BTD: variants seen among roughly 807,000 people sequenced by gnomAD.
The protein encoded by BTD is biocytinase.
A neutral mutation model predicts 17.7 loss-of-function variants in BTD; 13 were observed. That is an observed-to-expected ratio of 0.74 (90% CI 0.48 to 1.17). BTD has a LOEUF of 1.17. BTD is among the 50% of genes most tolerant of loss of function. BTD has a pLI of 0.00. For synonymous variants in BTD, 240 were observed against 245.2 expected, an observed-to-expected ratio of 0.98 and a Z score of 0.20; for missense variants, 674 against 650.4, an observed-to-expected ratio of 1.04 and a Z score of -0.39.
At chr3:15,695,092 A>C (rs1429687684) in intron 3 of BTD, 1 of 1,028,400 alleles carries the variant, frequency 9.7e-7, no homozygotes, top group African/African-American at 1.6e-5. Context: ...ATATGTAAAA[A>C]CACTTTCAGC....
Position 15,653,527 on chromosome 3 carries a change from C to A in BTD, c.*8039C>A, listed in dbSNP as rs1310440389. 6.6e-6 allele frequency among the ~76,000 whole-genome samples: 1 copy of A among 152,216 alleles called. No homozygotes were observed. Among genetic ancestry groups the A allele is most frequent in the Non-Finnish European group, 1.5e-5 (1 of 68,040 alleles). ...CTCTCCCTGTCATGCTAATTTTCAGCCCTTTCTGGGTGACTTGTTCATCAT... is the reference window on the plus strand; with the variant it reads ...CTCTCCCTGTCATGCTAATTTTCAGACCTTTCTGGGTGACTTGTTCATCAT... On this transcript the variant is annotated 3_prime_UTR_variant, in exon 4 of 4. Coordinates refer to ENST00000643237, the MANE Select transcript of BTD (RefSeq NM_001370658.1).
At chr3:15,664,617 G>A (rs924753) in intron 3 of BTD, among the ~76,000 whole-genome samples, 84,444 of 151,888 alleles carry the variant, frequency 0.56, 23,959 homozygotes, top group Middle Eastern at 0.64. Flanking sequence ...GAAGCAGCTA[G>A]TTTTCGGAGG....
intron 3 of BTD, chr3:15,675,928 C>T (rs1330515261): frequency 1.2e-6 from 2 of 1,613,068 alleles, no homozygotes; most frequent in South Asian, 2.2e-5. Context: ...ACACTTGCTC[C>T]TTTTCCCAAA....
In BTD at chr3:15,631,479, A is replaced by T. The variant is rs1296590454; in HGVS notation, c.-16-3945A>T. The T allele has an allele frequency of 5.9e-6, 9 of 1,535,014 alleles. No homozygotes were observed. The Admixed American group carries it at 1.8e-4, about 30-fold the overall frequency. ...GAAGGAAACACAGCTAATTATTAAG[A>T]TGAATCATTTAGCAAGGTGGGGAAA... On this transcript the variant is annotated intron_variant, in intron 1 of 3. Transcript: ENST00000643237.
chr3:15,670,361 G>A, intron 3 of BTD: 1 of 1,613,976 alleles, frequency 6.2e-7, no homozygotes. Flanking sequence ...ACTGCAATAG[G>A]AGCTAGGTTC....
chr3:15,695,155 C>A, intron 3 of BTD: 2 of 1,529,568 alleles, frequency 1.3e-6, no homozygotes, highest in Admixed American at 1.7e-5. Context: ...CTGACCAATA[C>A]TAATTGGTGG....
At chr3:15,660,944 G>A (rs1249831650) in intron 3 of BTD, among the ~76,000 whole-genome samples, 1 of 152,092 alleles carries the variant, frequency 6.6e-6, no homozygotes, top group Non-Finnish European at 1.5e-5. Context: ...AAGTGGCTGA[G>A]CCATTTTGCG....
rs1349255010 is a variant in BTD, at chr3:15,651,977, G to A, written c.*6489G>A. 2.0e-5 allele frequency among the ~76,000 whole-genome samples: 3 copies of A among 152,178 alleles called. No individual in the cohort carries two copies. The highest frequency in any genetic ancestry group is 6.5e-5 in the Admixed American group (1 of 15,278). ...TCCCACATTTTTCTGGGGTCGTTTT[G>A]TGTAACCAATAAAATATGGCAGATG... is the stretch of plus-strand genomic sequence containing the variant. On this transcript the variant is annotated 3_prime_UTR_variant, in exon 4 of 4. Coordinates refer to ENST00000643237, the MANE Select transcript of BTD (RefSeq NM_001370658.1).
chr3:15,685,071 G>A, intron 3 of BTD: 2 of 681,404 alleles, frequency 2.9e-6, no homozygotes, highest in South Asian at 3.7e-5. Flanking sequence ...ACAGGAGTGA[G>A]CCTACGTACT....
At chr3:15,685,390 C>T (rs1381238278) in intron 3 of BTD, 1 of 1,613,624 alleles carries the variant, frequency 6.2e-7, no homozygotes, top group Admixed American at 1.7e-5. Context: ...CCGAAGTAAG[C>T]ACTTAGCACC....
intron 3 of BTD, chr3:15,678,480 T>A: frequency 1.3e-6 from 1 of 789,090 alleles, no homozygotes; most frequent in Non-Finnish European, 1.9e-6. Flanking sequence ...GCACTGCCTG[T>A]ACACAAACAA....
chr3:15,653,914 A>G (rs149337471), downstream of BTD, among the ~76,000 whole-genome samples: 12 of 152,338 alleles, frequency 7.9e-5, no homozygotes, highest in East Asian at 2.1e-3. Context: ...TTATTTTTTA[A>G]AATAGAGACA....
downstream of BTD, among the ~76,000 whole-genome samples, chr3:15,713,087 A>G (rs183584923): frequency 6.3e-4 from 96 of 152,280 alleles, no homozygotes; most frequent in Non-Finnish European, 1.0e-3. Context: ...GTTCTGACCA[A>G]AATGGGGGTG....
intron 1 of BTD, chr3:15,602,206 G>C: frequency 7.3e-7 from 1 of 1,372,394 alleles, no homozygotes; most frequent in Non-Finnish European, 9.4e-7. Context: ...GAGATAAAAT[G>C]ACGCTCAGAG....
rs147896414 is a variant in BTD, at chr3:15,710,837, GA to G, written c.*772del. ...CAAAATGAACATTTTTTTCCTGGGG[GA>G]AAAAAAAATTAACAAATCTACTTAA... On this transcript the variant is annotated 3_prime_UTR_variant, in exon 4 of 4. Transcript: ENST00000672141. Among the ~76,000 whole-genome samples, 15 of 150,690 alleles carry G rather than the reference GA, an allele frequency of 1.0e-4. No individual in the cohort carries two copies. In the South Asian group the frequency reaches 2.5e-3, roughly 25 times the overall value.
intron 3 of BTD, among the ~76,000 whole-genome samples, chr3:15,708,809 T>C (rs2071824972): frequency 6.6e-6 from 1 of 152,206 alleles, no homozygotes; most frequent in Admixed American, 6.5e-5. Flanking sequence ...TTTCCTACCA[T>C]GCATAATTCT....
intron 3 of BTD, among the ~76,000 whole-genome samples, chr3:15,664,882 T>C (rs1490413986): frequency 1.3e-5 from 2 of 152,170 alleles, no homozygotes; most frequent in African/African-American, 4.8e-5. Context: ...AGAGGAAGAC[T>C]GTTCAAAAAA....
At chr3:15,692,628 A>C (rs1317097007) in intron 3 of BTD, among the ~76,000 whole-genome samples, 2 of 152,242 alleles carry the variant, frequency 1.3e-5, no homozygotes, top group Non-Finnish European at 2.9e-5. Flanking sequence ...TAAGCCTCAG[A>C]TCAGTATGTT....
chr3:15,715,441 TTA>T (rs2072888692), downstream of BTD, among the ~76,000 whole-genome samples: 1 of 152,230 alleles, frequency 6.6e-6, no homozygotes, highest in Admixed American at 6.5e-5. Context: ...CCTCATGTCT[TTA>T]TAATAATAAT....
Sources: gnomAD v4.1 joint callset for allele counts (sites outside exome capture counted in the v4.1 genomes callset) on GRCh38, gnomAD v4.1.1 for gene constraint, MANE v1.5 for transcripts, NCBI Gene and HGNC (gene_info 2026-07-23, HGNC 2026-07-21) for gene names.